Variants in UGT1A4 observed in about 807,000 individuals in gnomAD.
UGT1A4 encodes UDP glucuronosyltransferase family 1 member A4, also known as UDP-glucuronosyltransferase 1A4.
UGT1A4 carries 32 observed loss-of-function variants against 41.1 expected under a neutral mutation model. The observed-to-expected ratio is 0.78, with a 90% CI of 0.59 to 1.05. The LOEUF (loss-of-function observed/expected upper bound fraction) is 1.05, where lower values mean the gene tolerates loss of function less well. Ranked by LOEUF, UGT1A4 falls within the 50% of genes least tolerant of loss-of-function variation. UGT1A4 has a pLI of 0.00. For missense variants in UGT1A4, 748 were observed against 677.4 expected (o/e 1.10, Z -1.16); for synonymous variants, 283 against 265.1 (o/e 1.07, Z -0.66).
chr2:233,768,597 T>C (rs1188549543), intron 4 of UGT1A4, among the ~76,000 whole-genome samples, 158 bp downstream of exon 4: 1 of 135,710 alleles, frequency 7.4e-6, no homozygotes, highest in Non-Finnish European at 1.6e-5. Context: ...TTTTTTTTTT[T>C]TTTTTTTGAG....
At chr2:233,760,915 GT>G in intron 1 of UGT1A4, 1 of 1,614,180 alleles carries the variant, frequency 6.2e-7, no homozygotes, top group Non-Finnish European at 8.5e-7. Context: ...CCTGCAGCGG[GT>G]GAAGAACATG....
At position 233,767,811 on chromosome 2, in the gene UGT1A4, G is replaced by C. The variant is rs887887266; in HGVS notation, c.1000-38G>C. 1.2e-5 allele frequency: 19 copies of C among 1,614,006 alleles called. No individual in the cohort carries two copies. In the Admixed American group the frequency reaches 2.8e-4, roughly 24 times the overall value. On this transcript the variant is annotated intron_variant, in intron 2 of 4. Coordinates refer to ENST00000373409, the MANE Select transcript of UGT1A4 (RefSeq NM_007120.3). ...CAGATTTGTTTTCTAATCATATTAT[G>C]TTCTTTCTTTACGTTCTGCTCTTTT...
At chr2:233,735,104 G>A (rs543014633) in intron 1 of UGT1A4, among the ~76,000 whole-genome samples, 1 of 152,204 alleles carries the variant, frequency 6.6e-6, no homozygotes, top group Non-Finnish European at 1.5e-5. Context: ...GTCTAATATC[G>A]ACAGTGGGAT....
At chr2:233,757,561 T>TATATATATATATATATATATATATAC (rs71058576) in intron 1 of UGT1A4, among the ~76,000 whole-genome samples, 1 of 121,178 alleles carries the variant, frequency 8.3e-6, no homozygotes, top group Non-Finnish European at 1.7e-5. Context: ...TATATATATA[T>TATATATATATATATATATATATATAC]GTATATATGA....
intron 1 of UGT1A4, among the ~76,000 whole-genome samples, chr2:233,750,399 C>A (rs1694444307): frequency 1.3e-5 from 2 of 151,914 alleles, no homozygotes; most frequent in African/African-American, 2.4e-5. Flanking sequence ...AAATTTGCAG[C>A]CTGACCATGT....
At position 233,768,210 on chromosome 2, in the gene UGT1A4, T is replaced by G; in HGVS notation, c.1088-10T>G. 1 of 1,614,186 alleles carries G rather than the reference T, an allele frequency of 6.2e-7. No individual in the cohort carries two copies. The highest frequency in any genetic ancestry group is 1.1e-5 in the South Asian group (1 of 91,084). On this transcript the variant is annotated splice_polypyrimidine_tract_variant and intron_variant, in intron 3 of 4. Transcript: ENST00000373409. Reference sequence around the variant, plus strand: ...GTAACTGCTGACATCCTCCCTATTTTGCATCTCAGGTCACCCGATGACCCG... The same window carrying G: ...GTAACTGCTGACATCCTCCCTATTTGGCATCTCAGGTCACCCGATGACCCG...
chr2:233,759,396 C>T (rs1317272404), intron 1 of UGT1A4, among the ~76,000 whole-genome samples: 1 of 152,086 alleles, frequency 6.6e-6, no homozygotes, highest in African/African-American at 2.4e-5. Context: ...TCAGAGTAAC[C>T]GTGTGACCTG....
chr2:233,727,510 G>A (rs1189084466), intron 1 of UGT1A4, among the ~76,000 whole-genome samples: 2 of 152,170 alleles, frequency 1.3e-5, no homozygotes, highest in Admixed American at 1.3e-4. Flanking sequence ...GCCCATGAAT[G>A]TGGGAAGAGC....
chr2:233,746,316 G>C (rs1048806578), intron 1 of UGT1A4, among the ~76,000 whole-genome samples: 1 of 151,828 alleles, frequency 6.6e-6, no homozygotes, highest in African/African-American at 2.4e-5. Flanking sequence ...GGGCCCTGTA[G>C]ATGATCTACA....
intron 1 of UGT1A4, among the ~76,000 whole-genome samples, chr2:233,765,473 G>A (rs1334073223): frequency 6.6e-6 from 1 of 152,142 alleles, no homozygotes; most frequent in Admixed American, 6.5e-5. Flanking sequence ...GGATGAAGCT[G>A]GAAGCCATCA....
intron 1 of UGT1A4, among the ~76,000 whole-genome samples, chr2:233,753,894 C>T (rs2125923149): frequency 6.6e-6 from 1 of 152,316 alleles, no homozygotes; most frequent in African/African-American, 2.4e-5. Flanking sequence ...TCAGAAGGAA[C>T]ATGCTTCTTA....
At chr2:233,760,540 A>G (rs777452318) in intron 1 of UGT1A4, 2 of 1,614,130 alleles carry the variant, frequency 1.2e-6, no homozygotes, top group Non-Finnish European at 8.5e-7. Flanking sequence ...GCCATTCCAA[A>G]GGGAGGATGT....
intron 1 of UGT1A4, among the ~76,000 whole-genome samples, chr2:233,766,563 T>C (rs533483088): frequency 6.6e-6 from 1 of 152,304 alleles, no homozygotes; most frequent in South Asian, 2.1e-4. Context: ...CCTAGGTCCA[T>C]GGGCACAGGT....
chr2:233,738,076 A>C (rs17862873), intron 1 of UGT1A4, among the ~76,000 whole-genome samples: 29,204 of 152,030 alleles, frequency 0.19, 3,596 homozygotes, highest in South Asian at 0.3. Context: ...CCCACCTCCT[A>C]ATCTCATCAT....
intron 1 of UGT1A4, among the ~76,000 whole-genome samples, chr2:233,740,381 G>T (rs771907288): frequency 6.6e-6 from 1 of 151,918 alleles, no homozygotes; most frequent in Non-Finnish European, 1.5e-5. Flanking sequence ...GTAAGTTGTT[G>T]TGTGAATTAT....
rs562977700 is a variant in UGT1A4 at position 233,719,688 on chromosome 2, G to T, written c.867+1G>T. On this transcript the variant is annotated splice_donor_variant, in intron 1 of 4. Transcript: ENST00000373409. LOFTEE classifies it high-confidence loss of function. The stretch of plus-strand genomic sequence containing the variant: ...TGCCAACGGGAAGCCACTATCTCAG[G>T]TCTGTATTGGTGCCTTCATCCAATC... 7.9e-5 allele frequency: 127 copies of T among 1,614,002 alleles called. No homozygotes were observed. The East Asian group carries it at 2.7e-3, about 34-fold the overall frequency.
intron 1 of UGT1A4, chr2:233,754,506 C>A: frequency 2.8e-6 from 1 of 356,440 alleles, no homozygotes; most frequent in South Asian, 2.1e-5. Flanking sequence ...GTCCGCTATT[C>A]CTCCAGATGT....
At chr2:233,760,719 C>A in intron 1 of UGT1A4, 4 of 1,614,206 alleles carry the variant, frequency 2.5e-6, no homozygotes, top group Non-Finnish European at 3.4e-6. Flanking sequence ...CAGAAAGCAG[C>A]TTTGATGTCA....
chr2:233,762,816 G>T (rs28946889), intron 1 of UGT1A4, among the ~76,000 whole-genome samples: 30,774 of 150,410 alleles, frequency 0.2, 3,870 homozygotes, highest in East Asian at 0.45. Flanking sequence ...TCAAAATATT[G>T]ATTTTCATAA....
Sources: gnomAD v4.1 joint callset for allele counts (sites outside exome capture counted in the v4.1 genomes callset) on GRCh38, gnomAD v4.1.1 for gene constraint, MANE v1.5 for transcripts, NCBI Gene and HGNC (gene_info 2026-07-23, HGNC 2026-07-21) for gene names.